Variants in ZNF253 observed in about 807,000 individuals in gnomAD.
ZNF253 encodes the protein zinc finger protein 253.
In ZNF253, 8 loss-of-function variants were observed where a neutral mutation model predicts 11.9. The ratio of observed to expected loss-of-function variants is 0.67; its 90% CI spans 0.40 to 1.22. The LOEUF (loss-of-function observed/expected upper bound fraction) is 1.22. Ranked by LOEUF, ZNF253 falls within the 50% of genes most tolerant of loss-of-function variation. ZNF253 has a pLI of 0.01. For missense variants in ZNF253, 485 were observed against 586.9 expected, an observed-to-expected ratio of 0.83 and a Z score of 1.79; for synonymous variants, 194 against 194.9, an observed-to-expected ratio of 1.00 and a Z score of 0.04.
intron 3 of ZNF253, among the ~76,000 whole-genome samples, chr19:19,890,498 T>TGTG (rs1555778368): frequency 1.5e-4 from 21 of 141,044 alleles, no homozygotes; most frequent in African/African-American, 5.5e-4. Flanking sequence ...CAATTTATAT[T>TGTG]TGTGTGTGTG....
intron 3 of ZNF253, among the ~76,000 whole-genome samples, chr19:19,890,113 A>G (rs2122139368): frequency 6.6e-6 from 1 of 152,306 alleles, no homozygotes; most frequent in Non-Finnish European, 1.5e-5. Context: ...TTTATAATAT[A>G]GTTTTGTCCT....
rs746231637 is a variant in ZNF253 at position 19,878,615 on chromosome 19, C to A, written c.130+8C>A. On this transcript the variant is annotated splice_region_variant and intron_variant, in intron 2 of 3. Coordinates refer to ENST00000589717, the MANE Select transcript of ZNF253 (RefSeq NM_021047.3). ...GAAACTTGGTCTTCCTTGGTGAGGA[C>A]AACTTGAATATATAATTCATAATAT... The A allele has an allele frequency of 3.3e-5, 53 of 1,607,104 alleles. No homozygotes were observed. The highest frequency in any genetic ancestry group is 1.7e-4 in the Middle Eastern group (1 of 6,046).
chr19:19,869,761 C>G (rs967010144), intron 1 of ZNF253, among the ~76,000 whole-genome samples: 1 of 140,134 alleles, frequency 7.1e-6, no homozygotes, highest in Non-Finnish European at 1.5e-5. Flanking sequence ...TCACTGCCTT[C>G]TGGTTTCAAG....
chr19:19,883,332 A>C (rs1254479404), intron 3 of ZNF253, among the ~76,000 whole-genome samples: 1 of 152,128 alleles, frequency 6.6e-6, no homozygotes, highest in African/African-American at 2.4e-5. Flanking sequence ...TTCAGGGCCA[A>C]GTGTGGTTGT....
At chr19:19,880,388 C>T (rs965368088) in intron 3 of ZNF253, among the ~76,000 whole-genome samples, 16 of 151,486 alleles carry the variant, frequency 1.1e-4, no homozygotes, top group Non-Finnish European at 1.6e-4. Context: ...CAGTGAGAGC[C>T]AAAGTCCTCT....
chr19:19,891,594 G>T lies in ZNF253; in HGVS notation c.347G>T (p.Cys116Phe). 1 of 1,614,118 alleles carries T rather than the reference G, an allele frequency of 6.2e-7. No homozygotes were observed. The highest frequency in any genetic ancestry group is 8.5e-7 in the Non-Finnish European group (1 of 1,180,002). The change falls in exon 4 of 4, where the codon TGT becomes TTT. Residue 116 changes from cysteine to phenylalanine, a missense_variant. Coordinates refer to ENST00000589717, the MANE Select transcript of ZNF253 (RefSeq NM_021047.3). The part of the protein sequence containing the change: ...RHDNLQLKKG[C>F]KSVGEHKVHK... ...GACAATTTACAGTTAAAAAAAGGCTGTAAAAGCGTGGGTGAGCATAAGGTG... is the reference window on the plus strand; with the variant it reads ...GACAATTTACAGTTAAAAAAAGGCTTTAAAAGCGTGGGTGAGCATAAGGTG...
At position 19,891,592 on chromosome 19, in the gene ZNF253, C is replaced by T; in HGVS notation, c.345C>T (p.Gly115=). 1 of 1,613,982 alleles carries T rather than the reference C, an allele frequency of 6.2e-7. No individual in the cohort carries two copies. The highest frequency in any genetic ancestry group is 8.5e-7 in the Non-Finnish European group (1 of 1,179,986). ...CRHDNLQLKK[G]CKSVGEHKVH... Reference sequence around the variant, plus strand: ...ATGACAATTTACAGTTAAAAAAAGGCTGTAAAAGCGTGGGTGAGCATAAGG... The same window carrying T: ...ATGACAATTTACAGTTAAAAAAAGGTTGTAAAAGCGTGGGTGAGCATAAGG... Residue 115 remains glycine (G), a synonymous_variant, in exon 4 of 4, where the codon GGC becomes GGT. Coordinates refer to ENST00000589717, the MANE Select transcript of ZNF253 (RefSeq NM_021047.3).
At position 19,878,559 on chromosome 19, in the gene ZNF253, T is replaced by C. The variant is rs372446403; in HGVS notation, c.82T>C (p.Leu28=). Reference sequence around the variant, plus strand: ...TTGCCTGGACACTGCACAGCGGAATTTATATAGGGATGTGATGTTAGAGAA... The same window carrying C: ...TTGCCTGGACACTGCACAGCGGAATCTATATAGGGATGTGATGTTAGAGAA... ...WHCLDTAQRN[L]YRDVMLENYR... The change falls in exon 2 of 4, where the codon TTA becomes CTA. Residue 28 remains leucine (L), a synonymous_variant. Coordinates refer to ENST00000589717, the MANE Select transcript of ZNF253 (RefSeq NM_021047.3). 3.7e-6 allele frequency: 6 copies of C among 1,613,920 alleles called. No individual in the cohort carries two copies. The highest frequency in any genetic ancestry group is 5.1e-6 in the Non-Finnish European group (6 of 1,179,932).
At chr19:19,881,573 T>C (rs749977469) in intron 3 of ZNF253, among the ~76,000 whole-genome samples, 3 of 148,082 alleles carry the variant, frequency 2.0e-5, no homozygotes, top group Non-Finnish European at 3.0e-5. Context: ...CGCTTAAACC[T>C]GGAAGGCAGA....
chr19:19,881,249 T>C (rs1365356169), intron 3 of ZNF253, among the ~76,000 whole-genome samples: 1 of 152,160 alleles, frequency 6.6e-6, no homozygotes, highest in African/African-American at 2.4e-5. Context: ...CAGAAATTTA[T>C]TATGTAATGC....
At chr19:19,872,898 A>T (rs1330780528) in intron 1 of ZNF253, among the ~76,000 whole-genome samples, 1 of 152,090 alleles carries the variant, frequency 6.6e-6, no homozygotes, top group Non-Finnish European at 1.5e-5. Flanking sequence ...CACTTGCTGT[A>T]ACACCAAAGG....
chr19:19,865,986 G>A lies in ZNF253; in HGVS notation c.-11G>A. 6.2e-7 allele frequency: 1 copy of A among 1,614,192 alleles called. No individual in the cohort carries two copies. The highest frequency in any genetic ancestry group is 1.1e-5 in the South Asian group (1 of 91,078). On this transcript the variant is annotated 5_prime_UTR_variant, in exon 1 of 4. Transcript: ENST00000589717. ...CCACAGCTAAACCCCGGGACCCCTG[G>A]AAGCCTAGAAATGGTGAGTGCCGGG...
intron 3 of ZNF253, among the ~76,000 whole-genome samples, chr19:19,882,839 C>T (rs1329719821): frequency 3.3e-5 from 5 of 151,696 alleles, no homozygotes; most frequent in Non-Finnish European, 5.9e-5. Flanking sequence ...GGCATGGTGG[C>T]GGGCACCTGT....
At chr19:19,875,647 G>T (rs190282061) in intron 1 of ZNF253, among the ~76,000 whole-genome samples, 11 of 152,116 alleles carry the variant, frequency 7.2e-5, no homozygotes, top group African/African-American at 2.7e-4. Context: ...CGCCCGCCTC[G>T]GCCTCCCAAA....
In ZNF253 at chr19:19,880,081, C is replaced by T; in HGVS notation, c.161C>T (p.Thr54Ile). ...GTTGTCTCTAAGCCAGACCTGGTTA[C>T]CTGTCTGGAGCAAGGAAAAAAACCT... ...GIVVSKPDLV[T>I]CLEQGKKPLT... The change falls in exon 3 of 4, where the codon ACC becomes ATC. Residue 54 changes from threonine (T) to isoleucine (I), a missense_variant. By Grantham distance (89) the Thr-to-Ile change is moderately conservative (BLOSUM62 -1). Coordinates refer to ENST00000589717, the MANE Select transcript of ZNF253 (RefSeq NM_021047.3). The T allele has an allele frequency of 6.2e-7, 1 of 1,607,538 alleles. No individual in the cohort carries two copies. The highest frequency in any genetic ancestry group is 1.1e-5 in the South Asian group (1 of 90,160).
At chr19:19,883,772 A>C (rs2063187475) in intron 3 of ZNF253, among the ~76,000 whole-genome samples, 2 of 152,090 alleles carry the variant, frequency 1.3e-5, no homozygotes, top group South Asian at 4.1e-4. Flanking sequence ...GATACCTCAT[A>C]TAGCTGGGTG....
intron 1 of ZNF253, among the ~76,000 whole-genome samples, chr19:19,867,218 G>A (rs1358264221): frequency 6.6e-6 from 1 of 152,058 alleles, no homozygotes; most frequent in Non-Finnish European, 1.5e-5. Flanking sequence ...GCGAATGTCT[G>A]GTTTTCTGTT....
intron 3 of ZNF253, among the ~76,000 whole-genome samples, chr19:19,890,610 T>TAG (rs1179022759): frequency 1.7e-3 from 257 of 150,572 alleles, no homozygotes; most frequent in Non-Finnish European, 1.6e-3. Context: ...ACAATCTCCG[T>TAG]CTCCACAGTT....
At position 19,891,713 on chromosome 19, in the gene ZNF253, T is replaced by G. The variant is rs200538951; in HGVS notation, c.466T>G (p.Phe156Val). 6.2e-7 allele frequency: 1 copy of G among 1,614,096 alleles called. No homozygotes were observed. The highest frequency in any genetic ancestry group is 8.5e-7 in the Non-Finnish European group (1 of 1,179,994). Residue 156 changes from phenylalanine to valine, a missense_variant, in exon 4 of 4, where the codon TTT becomes GTT. Around this residue, in one of 3 missense-constraint regions of ZNF253, gnomAD observed 218 missense variants for 213.1 expected, o/e 1.02. Coordinates refer to ENST00000589717, the MANE Select transcript of ZNF253 (RefSeq NM_021047.3). ...CDKYGKVFHK[F>V]SNSNTYKTRH... ...TAAATATGGAAAAGTCTTTCATAAG[T>G]TTTCAAATTCAAACACATATAAGAC...
Sources: gnomAD v4.1 joint callset for allele counts (sites outside exome capture counted in the v4.1 genomes callset) on GRCh38, gnomAD v4.1.1 for gene constraint, gnomAD v4.1.1 regional missense constraint, MANE v1.5 for transcripts, NCBI Gene and HGNC (gene_info 2026-07-23, HGNC 2026-07-21) for gene names.